The following NMNAT2 variants were observed in gnomAD, a reference collection of about 807,000 sequenced individuals.
NMNAT2 encodes the protein nicotinamide/nicotinic acid mononucleotide adenylyltransferase 2.
Under a neutral mutation model 41.6 loss-of-function variants are expected in NMNAT2, and 11 were observed. That is an observed-to-expected ratio of 0.26 (90% CI 0.17 to 0.44). The LOEUF is 0.44. Ranked by LOEUF, NMNAT2 falls within the 20% of genes least tolerant of loss-of-function variation. The probability of loss-of-function intolerance (pLI) is 1.00; values close to 1 mark genes in which losing one functional copy is unlikely to be tolerated. For synonymous variants in NMNAT2, 148 were observed against 151.2 expected, an observed-to-expected ratio of 0.98 and a Z score of 0.16; for missense variants, 288 against 407.7, an observed-to-expected ratio of 0.71 and a Z score of 2.53.
intron 10 of NMNAT2, among the ~76,000 whole-genome samples, chr1:183,259,044 G>A (rs1349822636): frequency 3.3e-5 from 5 of 152,142 alleles, no homozygotes; most frequent in East Asian, 1.9e-4. Context: ...TCTAGGCAGC[G>A]AGCAAGGTGA....
intron 1 of NMNAT2, among the ~76,000 whole-genome samples, chr1:183,307,784 T>G (rs888954615): frequency 6.6e-6 from 1 of 152,092 alleles, no homozygotes; most frequent in African/African-American, 2.4e-5. Flanking sequence ...GTTTCAACAT[T>G]TTGGCCAGTC....
At chr1:183,260,145 C>A (rs1660621132) in intron 10 of NMNAT2, among the ~76,000 whole-genome samples, 1 of 152,130 alleles carries the variant, frequency 6.6e-6, no homozygotes, top group Non-Finnish European at 1.5e-5. Context: ...CGTCCTCCAC[C>A]CTTGAGCCAG....
rs146484907 is a variant in NMNAT2, at chr1:183,331,759, G to C, written c.86-37966C>G. On this transcript the variant is annotated intron_variant, in intron 1 of 10. Transcript: ENST00000287713. ...CACCCAGGCTACCCCATAGCCAGCC[G>C]CACGCCCCACGGTGCATAGTTTTTT... Among the ~76,000 whole-genome samples, 693 of 151,876 alleles carry C rather than the reference G, an allele frequency of 4.6e-3. 9 individuals carry two copies. The highest frequency in any genetic ancestry group is 0.016 in the African/African-American group (659 of 41,424).
intron 1 of NMNAT2, among the ~76,000 whole-genome samples, chr1:183,309,360 G>A (rs573680467): frequency 3.3e-5 from 5 of 152,242 alleles, no homozygotes; most frequent in African/African-American, 4.8e-5. Flanking sequence ...GCTGTTGGGC[G>A]GAAAATAAAT....
At chr1:183,360,171 C>A (rs1663276065) in intron 1 of NMNAT2, among the ~76,000 whole-genome samples, 1 of 152,134 alleles carries the variant, frequency 6.6e-6, no homozygotes, top group East Asian at 1.9e-4. Context: ...AGAAGCCTTG[C>A]AATCCATTTC....
At chr1:183,265,516 C>T (rs916355718) in intron 8 of NMNAT2, among the ~76,000 whole-genome samples, 28 of 152,052 alleles carry the variant, frequency 1.8e-4, no homozygotes, top group South Asian at 2.1e-4. Flanking sequence ...CCACCTCCCT[C>T]GGCCTCCCAA....
Position 183,252,408 on chromosome 1 carries a change from CA to C in NMNAT2, c.*232del. On this transcript the variant is annotated 3_prime_UTR_variant, in exon 11 of 11. Transcript: ENST00000287713. ...CAAGGACTGCACTTCCCCCGACTCC[CA>C]CCCCATTCCCTCACCCACCCCCAAC... 2.1e-6 allele frequency: 1 copy of C among 469,862 alleles called. No homozygotes were observed. The highest frequency in any genetic ancestry group is 3.9e-6 in the Non-Finnish European group (1 of 254,306). 29.1% of individuals were successfully genotyped at this position (469,862 alleles called of 1,614,324 possible). A position where few individuals can be genotyped will look rare whatever the true frequency, so the allele number is the denominator to read the frequency against.
At chr1:183,299,526 T>C (rs1327237516) in intron 1 of NMNAT2, among the ~76,000 whole-genome samples, 1 of 152,104 alleles carries the variant, frequency 6.6e-6, no homozygotes, top group Admixed American at 6.5e-5. Context: ...GTCAAAAAGT[T>C]GTTTAAAAGC....
At chr1:183,359,566 C>A (rs941770079) in intron 1 of NMNAT2, among the ~76,000 whole-genome samples, 1 of 152,180 alleles carries the variant, frequency 6.6e-6, no homozygotes, top group Non-Finnish European at 1.5e-5. Context: ...CTTCTCTATG[C>A]GAGGTTGTAC....
intron 1 of NMNAT2, among the ~76,000 whole-genome samples, chr1:183,363,049 T>C (rs546202715): frequency 6.6e-6 from 1 of 152,370 alleles, no homozygotes; most frequent in East Asian, 1.9e-4. Context: ...TGACTAATGA[T>C]GTTGAGCAAC....
At chr1:183,291,114 A>G (rs1325311568) in intron 3 of NMNAT2, among the ~76,000 whole-genome samples, 3 of 152,084 alleles carry the variant, frequency 2.0e-5, no homozygotes, top group African/African-American at 7.2e-5. Flanking sequence ...ATGGGGTTTC[A>G]CCACATTGTC....
chr1:183,277,973 G>C (rs376049267), intron 8 of NMNAT2, among the ~76,000 whole-genome samples: 2 of 152,218 alleles, frequency 1.3e-5, no homozygotes, highest in African/African-American at 4.8e-5. Flanking sequence ...TGTGTGAAGA[G>C]TGAGTAATTT....
chr1:183,418,145 A>C, intron 1 of NMNAT2, 38 bp downstream of exon 1: 1 of 1,573,654 alleles, frequency 6.4e-7, no homozygotes, highest in South Asian at 1.1e-5. Context: ...AAAGGAGAGG[A>C]GCGGAAGCGG....
intron 3 of NMNAT2, among the ~76,000 whole-genome samples, chr1:183,291,996 A>C (rs1211330634): frequency 6.6e-6 from 1 of 152,196 alleles, no homozygotes; most frequent in Non-Finnish European, 1.5e-5. Flanking sequence ...TTCCTGGGCA[A>C]ACTCTCTGCA....
At chr1:183,284,927 C>G (rs534387483) in intron 5 of NMNAT2, 137 bp from the exon 6 acceptor site, 8 of 685,974 alleles carry the variant, frequency 1.2e-5, no homozygotes, top group Non-Finnish European at 2.2e-5. Context: ...CAGGAGGTAG[C>G]AGGAGGGTAG....
At chr1:183,295,325 A>C (rs986699981) in intron 1 of NMNAT2, among the ~76,000 whole-genome samples, 1 of 152,096 alleles carries the variant, frequency 6.6e-6, no homozygotes, top group African/African-American at 2.4e-5. Flanking sequence ...TCAATGTGAA[A>C]TTTCTTAGAT....
Position 183,250,492 on chromosome 1 carries a change from A to G in NMNAT2, c.*2149T>C, listed in dbSNP as rs986473787. 1.3e-5 allele frequency: 2 copies of G among 152,588 alleles called. No homozygotes were observed. Among genetic ancestry groups the G allele is most frequent in the Non-Finnish European group, 2.9e-5 (2 of 68,126 alleles). 9.5% of individuals were successfully genotyped at this position (152,588 alleles called of 1,614,324 possible). A position where few individuals can be genotyped will look rare whatever the true frequency, so the allele number is the denominator to read the frequency against. On this transcript the variant is annotated 3_prime_UTR_variant, in exon 11 of 11. Coordinates refer to ENST00000287713, the MANE Select transcript of NMNAT2 (RefSeq NM_015039.4). ...AAGGCTTGGGAAGTGTAGAAATCAT[A>G]TGGGCACCTGGTCAGCAACATGAGG...
rs72731440 is a variant in NMNAT2 at position 183,402,423 on chromosome 1, T to C, written c.85+15760A>G. ...GCATTAAGACTTACATAGAAAGATG[T>C]TGAAATTTTGTTAGGCTTCCCTAAA... On this transcript the variant is annotated intron_variant, in intron 1 of 10. Coordinates refer to ENST00000287713, the MANE Select transcript of NMNAT2 (RefSeq NM_015039.4). Among the ~76,000 whole-genome samples, 290 of 152,294 alleles carry C rather than the reference T, an allele frequency of 1.9e-3. 3 individuals carry two copies. Among genetic ancestry groups the C allele is most frequent in the Non-Finnish European group, 3.0e-3 (201 of 68,038 alleles).
chr1:183,253,177 G>A (rs182043470), intron 10 of NMNAT2, among the ~76,000 whole-genome samples: 1 of 150,012 alleles, frequency 6.7e-6, no homozygotes, highest in Non-Finnish European at 1.5e-5. Context: ...ATCTGATGTT[G>A]TAAGATACAC....
Sources: gnomAD v4.1 joint callset for allele counts (sites outside exome capture counted in the v4.1 genomes callset) on GRCh38, gnomAD v4.1.1 for gene constraint, MANE v1.5 for transcripts, NCBI Gene and HGNC (gene_info 2026-07-23, HGNC 2026-07-21) for gene names.